Variants in PCCA observed in about 807,000 individuals in gnomAD.
PCCA encodes propionyl-CoA carboxylase alpha chain, mitochondrial.
PCCA carries 74 observed loss-of-function variants against 101.3 expected under a neutral mutation model. That is an observed-to-expected ratio of 0.73 (90% confidence interval 0.61 to 0.89). The LOEUF (loss-of-function observed/expected upper bound fraction) is 0.89. PCCA is among the 40% of genes least tolerant of loss of function. PCCA has a pLI of 0.00. For missense variants in PCCA, 891 were observed against 907.0 expected, an observed-to-expected ratio of 0.98 and a Z score of 0.23; for synonymous variants, 294 against 313.6, an observed-to-expected ratio of 0.94 and a Z score of 0.66.
intron 9 of PCCA, 30 bp from the exon 10 acceptor site, chr13:100,262,699 C>T (rs200429797): frequency 1.4e-5 from 13 of 948,284 alleles, no homozygotes; most frequent in Admixed American, 1.7e-5. Flanking sequence ...CCTCTCCCCC[C>T]CTCCTCCTTC....
intron 19 of PCCA, among the ~76,000 whole-genome samples, chr13:100,391,215 A>G (rs527950774): frequency 1.3e-5 from 2 of 152,228 alleles, no homozygotes; most frequent in South Asian, 4.1e-4. Context: ...ACGGAGTTTC[A>G]CCATGTTGGC....
intron 8 of PCCA, among the ~76,000 whole-genome samples, chr13:100,252,628 T>G (rs1035464218): frequency 1.3e-5 from 2 of 152,330 alleles, no homozygotes; most frequent in Non-Finnish European, 2.9e-5. Context: ...TTATTTATTG[T>G]GTCTTGAGTA....
chr13:100,213,246 A>G (rs111909365), intron 7 of PCCA, among the ~76,000 whole-genome samples: 32 of 152,282 alleles, frequency 2.1e-4, no homozygotes, highest in Non-Finnish European at 2.9e-4. Flanking sequence ...TCTTTTGGGT[A>G]TATACCTAGC....
At chr13:100,275,270 C>G (rs1366635402) in intron 12 of PCCA, among the ~76,000 whole-genome samples, 1 of 152,018 alleles carries the variant, frequency 6.6e-6, no homozygotes, top group African/African-American at 2.4e-5. Flanking sequence ...TCCTGTGGGC[C>G]CTGGTTAGCC....
chr13:100,194,825 G>A (rs1042780683), intron 6 of PCCA, among the ~76,000 whole-genome samples: 4 of 152,168 alleles, frequency 2.6e-5, no homozygotes, highest in Non-Finnish European at 5.9e-5. Context: ...CACTAAGTGT[G>A]AGTGGACTGT....
chr13:100,494,685 A>G (rs1304540159), intron 21 of PCCA, among the ~76,000 whole-genome samples: 1 of 151,818 alleles, frequency 6.6e-6, no homozygotes, highest in Non-Finnish European at 1.5e-5. Context: ...CTCAAAAAAA[A>G]AAAAAAATTT....
intron 16 of PCCA, among the ~76,000 whole-genome samples, chr13:100,322,638 G>A (rs567794462): frequency 3.2e-4 from 49 of 151,194 alleles, no homozygotes; most frequent in Admixed American, 1.2e-3. Context: ...TGATGCAGCC[G>A]TAGCTCACTA....
chr13:100,527,608 C>A (rs1342362551), intron 22 of PCCA, 67 bp from the exon 23 acceptor site: 6 of 1,065,386 alleles, frequency 5.6e-6, no homozygotes, highest in Non-Finnish European at 8.8e-6. Context: ...TTCTTAATGG[C>A]TTCATTCCTA....
At chr13:100,293,349 A>G (rs8002928) in intron 12 of PCCA, 201,388 of 394,890 alleles carry the variant, frequency 0.51, 53,826 homozygotes, top group East Asian at 0.65. Flanking sequence ...TTCCAGAAAG[A>G]TTTTAGAAAT....
At chr13:100,472,629 G>A (rs1033046353) in intron 21 of PCCA, among the ~76,000 whole-genome samples, 2 of 152,106 alleles carry the variant, frequency 1.3e-5, no homozygotes, top group Non-Finnish European at 2.9e-5. Flanking sequence ...GGGCTTCCTC[G>A]GGAAAGGCAG....
At chr13:100,237,712 A>C (rs1212099234) in intron 8 of PCCA, among the ~76,000 whole-genome samples, 1 of 152,122 alleles carries the variant, frequency 6.6e-6, no homozygotes, top group African/African-American at 2.4e-5. Context: ...ACCTCATTGG[A>C]TATAATAATA....
At chr13:100,131,309 C>T (rs921995942) in intron 4 of PCCA, among the ~76,000 whole-genome samples, 3 of 152,136 alleles carry the variant, frequency 2.0e-5, no homozygotes, top group African/African-American at 7.2e-5. Flanking sequence ...TGCAATTCTT[C>T]TTGGCCCCAG....
intron 11 of PCCA, among the ~76,000 whole-genome samples, chr13:100,269,507 A>G (rs554365383): frequency 1.3e-5 from 2 of 152,262 alleles, no homozygotes; most frequent in South Asian, 2.1e-4. Context: ...AATTCCTTGA[A>G]TTATCAGAGC....
intron 20 of PCCA, among the ~76,000 whole-genome samples, chr13:100,438,099 C>T (rs193059020): frequency 9.0e-4 from 137 of 151,574 alleles, no homozygotes; most frequent in Non-Finnish European, 1.6e-3. Context: ...GCTAATGCAC[C>T]ATGTTGTTTT....
At chr13:100,355,834 G>GTTC (rs2073902362) in intron 18 of PCCA, among the ~76,000 whole-genome samples, 1 of 152,138 alleles carries the variant, frequency 6.6e-6, no homozygotes, top group Admixed American at 6.5e-5. Context: ...AAAGAGGAAT[G>GTTC]AAGTTCAGAG....
At chr13:100,480,050 A>C (rs2083761490) in intron 21 of PCCA, among the ~76,000 whole-genome samples, 1 of 152,192 alleles carries the variant, frequency 6.6e-6, no homozygotes, top group African/African-American at 2.4e-5. Flanking sequence ...CCTATGGAGC[A>C]TTTACTCTTG....
chr13:100,205,865 G>A (rs765598899), intron 6 of PCCA, among the ~76,000 whole-genome samples: 13 of 152,020 alleles, frequency 8.6e-5, no homozygotes, highest in African/African-American at 3.1e-4. Flanking sequence ...GTTTCCTCTT[G>A]TCTTTACTTA....
At chr13:100,335,957 C>T (rs2152744308) in intron 17 of PCCA, among the ~76,000 whole-genome samples, 1 of 152,286 alleles carries the variant, frequency 6.6e-6, no homozygotes, top group African/African-American at 2.4e-5. Context: ...GGACCTCTAT[C>T]TGCATTATTT....
At chr13:100,388,144 G>A (rs2076612872) in intron 19 of PCCA, among the ~76,000 whole-genome samples, 1 of 152,178 alleles carries the variant, frequency 6.6e-6, no homozygotes, top group Admixed American at 6.5e-5. Context: ...CCTATTACGG[G>A]TGCTAGTCAG....
Sources: allele counts gnomAD v4.1 joint callset (sites outside exome capture counted in the v4.1 genomes callset), GRCh38; gene constraint gnomAD v4.1.1; transcripts MANE v1.5; gene names NCBI Gene and HGNC (gene_info 2026-07-23, HGNC 2026-07-21).